NUP58: variants seen among roughly 807,000 people sequenced by gnomAD.
NUP58 encodes nucleoporin 58.
A neutral mutation model predicts 70.1 loss-of-function variants in NUP58; 17 were observed. That is an observed-to-expected ratio of 0.24 (90% CI 0.17 to 0.36). The LOEUF is 0.36. Among genes scored for constraint, NUP58 ranks in the 10% least tolerant of loss-of-function variants. The probability of loss-of-function intolerance (pLI) is 1.00; values close to 1 mark genes in which losing one functional copy is unlikely to be tolerated. For synonymous variants in NUP58, 275 were observed against 257.6 expected (o/e 1.07, Z -0.65); for missense variants, 644 against 701.5 (o/e 0.92, Z 0.93).
At chr13:25,339,858 T>TA (rs1355679235) in intron 15 of NUP58, 107 bp from the exon 16 acceptor site, 102 of 964,824 alleles carry the variant, frequency 1.1e-4, no homozygotes, top group Middle Eastern at 2.2e-4. Flanking sequence ...TTGCTATTCT[T>TA]ACAGATTATG....
intron 13 of NUP58, chr13:25,332,106 A>G: frequency 1.0e-6 from 1 of 990,722 alleles, no homozygotes; most frequent in Non-Finnish European, 1.2e-6. Context: ...CCTCTAAACC[A>G]AATTTTGAAG....
Position 25,327,543 on chromosome 13 carries a change from G to A in NUP58, c.1233+31G>A, listed in dbSNP as rs561222550. On this transcript the variant is annotated intron_variant, in intron 12 of 15. Transcript: ENST00000381736. ...TTTTCATTACCCATTTATCTACCTGGATATGTAGACCCAAGTATTTGTTCA... is the reference window on the plus strand; with the variant it reads ...TTTTCATTACCCATTTATCTACCTGAATATGTAGACCCAAGTATTTGTTCA... 3 of 1,398,858 alleles carry A rather than the reference G, an allele frequency of 2.1e-6. No individual in the cohort carries two copies. The African/African-American group carries it at 4.3e-5, about 20-fold the overall frequency. The allele number at this position is 1,398,858 out of a possible 1,614,324, so 86.7% of individuals were successfully genotyped here.
chr13:25,309,977 T>G (rs542268073), intron 3 of NUP58: 1 of 395,232 alleles, frequency 2.5e-6, no homozygotes, highest in African/African-American at 2.1e-5. Context: ...CACATCTGTT[T>G]ATCAGCAAAG....
At chr13:25,313,458 T>C (rs1055545764) in intron 4 of NUP58, among the ~76,000 whole-genome samples, 156 bp from the exon 5 acceptor site, 4 of 152,234 alleles carry the variant, frequency 2.6e-5, no homozygotes, top group Non-Finnish European at 5.9e-5. Flanking sequence ...AGCTGCTATT[T>C]CTCTTTATTC....
At chr13:25,316,088 A>C (rs2030916210) in intron 6 of NUP58, among the ~76,000 whole-genome samples, 1 of 152,186 alleles carries the variant, frequency 6.6e-6, no homozygotes, top group Admixed American at 6.5e-5. Flanking sequence ...ATACCTGGAA[A>C]TTGGATCATT....
intron 1 of NUP58, among the ~76,000 whole-genome samples, chr13:25,305,145 T>TGTTTTTTG (rs777661901): frequency 1.2e-3 from 69 of 55,266 alleles, no homozygotes; most frequent in African/African-American, 2.7e-3. Context: ...TTTTTTTTTT[T>TGTTTTTTG]TTTTTTTTTT....
At chr13:25,305,143 T>TTTTTTTTG (rs1566055016) in intron 1 of NUP58, among the ~76,000 whole-genome samples, 2 of 10,316 alleles carry the variant, frequency 1.9e-4, no homozygotes, top group South Asian at 8.6e-3. Flanking sequence ...TTTTTTTTTT[T>TTTTTTTTG]TTTTTTTTTT....
rs556704368 is a variant in NUP58, at chr13:25,311,398, G to A, written c.287-1485G>A. On this transcript the variant is annotated intron_variant, in intron 3 of 15. Transcript: ENST00000381736. ...TTTTTGTTTTTGTTTTTTATGAGAC[G>A]GAGTTTTGGTCTTGTTGCACAGGCT... is the stretch of plus-strand genomic sequence containing the variant. 4.6e-5 allele frequency among the ~76,000 whole-genome samples: 7 copies of A among 152,140 alleles called. No individual in the cohort carries two copies. The East Asian group carries it at 5.8e-4, about 13-fold the overall frequency.
At chr13:25,309,310 C>T (rs902479665) in intron 3 of NUP58, 28 bp downstream of exon 3, 2 of 1,532,744 alleles carry the variant, frequency 1.3e-6, no homozygotes, top group South Asian at 1.2e-5. Context: ...AAGATCCCAG[C>T]TCTGTGGTCT....
chr13:25,312,667 C>A (rs146702490), intron 3 of NUP58, among the ~76,000 whole-genome samples: 1 of 152,202 alleles, frequency 6.6e-6, no homozygotes, highest in Non-Finnish European at 1.5e-5. Flanking sequence ...TGTACCTGGC[C>A]ATTCTTTTGT....
chr13:25,338,957 ATAAT>A lies in NUP58; in HGVS notation c.1630+233_1630+236del, dbSNP rs1299872505. ...TAACAAGACTTCTTAGTTTGATTTAATAATTAATTACATCTTCTAACTCAGAGAT... is the reference window on the plus strand; with the variant it reads ...TAACAAGACTTCTTAGTTTGATTTAATAATTACATCTTCTAACTCAGAGAT... On this transcript the variant is annotated intron_variant, in intron 15 of 15. Coordinates refer to ENST00000381736, the MANE Select transcript of NUP58 (RefSeq NM_014089.4). 3.8e-5 allele frequency: 12 copies of A among 319,596 alleles called. No individual in the cohort carries two copies. The East Asian group carries it at 4.6e-4, about 12-fold the overall frequency. 19.8% of individuals were successfully genotyped at this position (319,596 alleles called of 1,614,324 possible).
chr13:25,312,737 T>C, intron 3 of NUP58, 146 bp from the exon 4 acceptor site: 1 of 697,204 alleles, frequency 1.4e-6, no homozygotes, highest in South Asian at 2.1e-5. Flanking sequence ...TTTTACATAT[T>C]TTCTCTCACA....
chr13:25,322,088 C>G (rs1023782433), intron 9 of NUP58, among the ~76,000 whole-genome samples: 1 of 152,154 alleles, frequency 6.6e-6, no homozygotes, highest in Non-Finnish European at 1.5e-5. Flanking sequence ...GTTGTAGTTA[C>G]CGTAATTACA....
intron 1 of NUP58, chr13:25,303,119 C>T (rs1244918580): frequency 8.8e-6 from 4 of 455,536 alleles, no homozygotes; most frequent in Non-Finnish European, 1.8e-5. Flanking sequence ...CTACTCCAAT[C>T]AACTTCTTCA....
At chr13:25,308,870 T>G (rs1297267358) in intron 2 of NUP58, among the ~76,000 whole-genome samples, 1 of 152,188 alleles carries the variant, frequency 6.6e-6, no homozygotes, top group Non-Finnish European at 1.5e-5. Context: ...GTGCAGCACA[T>G]TTCACAGCCA....
intron 1 of NUP58, among the ~76,000 whole-genome samples, chr13:25,302,367 C>A (rs938105231): frequency 6.6e-6 from 1 of 152,064 alleles, no homozygotes; most frequent in Admixed American, 6.5e-5. Context: ...AGCTTTTGTG[C>A]CACATGGGAC....
intron 8 of NUP58, 148 bp downstream of exon 8, chr13:25,320,743 AAGC>A (rs1465219170): frequency 2.6e-6 from 2 of 770,320 alleles, no homozygotes; most frequent in Non-Finnish European, 4.1e-6. Flanking sequence ...ATCAGAAAAA[AAGC>A]AGAACAACAG....
At chr13:25,304,890 A>C (rs2030241477) in intron 1 of NUP58, among the ~76,000 whole-genome samples, 1 of 152,020 alleles carries the variant, frequency 6.6e-6, no homozygotes, top group African/African-American at 2.4e-5. Flanking sequence ...TATACACACA[A>C]CAGTGTCAAA....
chr13:25,340,912 C>T lies in NUP58; in HGVS notation c.*778C>T, dbSNP rs1052822589. 2.0e-5 allele frequency: 3 copies of T among 152,220 alleles called. No homozygotes were observed. The highest frequency in any genetic ancestry group is 7.2e-5 in the African/African-American group (3 of 41,422). The allele number at this position is 152,220 out of a possible 1,614,324, so 9.4% of individuals were successfully genotyped here. On this transcript the variant is annotated 3_prime_UTR_variant, in exon 16 of 16. Coordinates refer to ENST00000381736, the MANE Select transcript of NUP58 (RefSeq NM_014089.4). ...CAGCCTGGGCAACAAGAGCAAAACT[C>T]CGTCTCAAAAAAGATGAAAATAAAA...
Sources: gnomAD v4.1 joint callset for allele counts (sites outside exome capture counted in the v4.1 genomes callset) on GRCh38, gnomAD v4.1.1 for gene constraint, MANE v1.5 for transcripts, NCBI Gene and HGNC (gene_info 2026-07-23, HGNC 2026-07-21) for gene names.